CEP41: variants seen among roughly 807,000 people sequenced by gnomAD.
The protein encoded by CEP41 is centrosomal protein of 41 kDa.
In CEP41, 32 loss-of-function variants were observed where a neutral mutation model predicts 44.3. That is an observed-to-expected ratio of 0.72 (90% CI 0.54 to 0.97). The LOEUF (loss-of-function observed/expected upper bound fraction) is 0.97, where lower values mean the gene tolerates loss of function less well. Ranked by LOEUF, CEP41 falls within the 50% of genes least tolerant of loss-of-function variation. CEP41 has a pLI of 0.00. For synonymous variants in CEP41, 151 were observed against 168.5 expected (o/e 0.90, Z 0.80); for missense variants, 432 against 455.2 (o/e 0.95, Z 0.46).
rs1797682902 is a variant in CEP41 at position 130,426,955 on chromosome 7, T to C, written c.97+1000A>G. On this transcript the variant is annotated intron_variant, in intron 2 of 10. Transcript: ENST00000223208. ...GGATATTTGCAAGGATAAATATCTGTACGGCATGGAAATGTCTGAATGACG... is the reference window on the plus strand; with the variant it reads ...GGATATTTGCAAGGATAAATATCTGCACGGCATGGAAATGTCTGAATGACG... The C allele has an allele frequency of 2.7e-5, 5 of 187,584 alleles. No individual in the cohort carries two copies. In the South Asian group the frequency reaches 2.7e-4, roughly 10 times the overall value. 11.6% of individuals were successfully genotyped at this position (187,584 alleles called of 1,614,324 possible). A position where few individuals can be genotyped will look rare whatever the true frequency, so the allele number is the denominator to read the frequency against.
At position 130,440,973 on chromosome 7, in the gene CEP41, T is replaced by A; in HGVS notation, c.-7A>T. The A allele has an allele frequency of 6.2e-7, 1 of 1,612,736 alleles. No homozygotes were observed. The highest frequency in any genetic ancestry group is 8.5e-7 in the Non-Finnish European group (1 of 1,179,970). ...TGTGCCTCCGGAGGGACATATTTTC[T>A]CCAACCGACCACGTTCGGGGTTCTA... On this transcript the variant is annotated 5_prime_UTR_variant, in exon 1 of 11. Transcript: ENST00000223208.
Position 130,398,588 on chromosome 7 carries a change from A to G in CEP41, c.*303T>C. 1 of 544,452 alleles carries G rather than the reference A, an allele frequency of 1.8e-6. No homozygotes were observed. Among genetic ancestry groups the G allele is most frequent in the Non-Finnish European group, 3.5e-6 (1 of 286,414 alleles). 33.7% of individuals were successfully genotyped at this position (544,452 alleles called of 1,614,324 possible). ...ACCTTATTAAAAAAAAACAAAACAA[A>G]AAAACTAAAAACGTAGATACTTTTT... On this transcript the variant is annotated 3_prime_UTR_variant, in exon 11 of 11. Coordinates refer to ENST00000223208, the MANE Select transcript of CEP41 (RefSeq NM_018718.3).
chr7:130,411,035 T>G (rs1797166916), intron 5 of CEP41, 87 bp downstream of exon 5: 1 of 1,175,346 alleles, frequency 8.5e-7, no homozygotes, highest in Admixed American at 1.7e-5. Context: ...TCCCAGTCCC[T>G]GGGAACAGAC....
intron 1 of CEP41, 86 bp from the exon 2 acceptor site, chr7:130,428,104 GA>G (rs1200023211): frequency 7.6e-6 from 7 of 921,106 alleles, no homozygotes; most frequent in African/African-American, 4.9e-5. Context: ...TTTAAAAATG[GA>G]AAAAAAGTGC....
At chr7:130,422,773 T>C (rs1488156547) in intron 2 of CEP41, among the ~76,000 whole-genome samples, 6 of 152,172 alleles carry the variant, frequency 3.9e-5, no homozygotes, top group Non-Finnish European at 8.8e-5. Flanking sequence ...TTCCAAAAGC[T>C]TTACAAGACT....
chr7:130,426,692 G>A (rs1554423608), intron 2 of CEP41: 1 of 455,796 alleles, frequency 2.2e-6, no homozygotes. Flanking sequence ...GATGGGTAGA[G>A]ATGAAAGAGC....
chr7:130,437,347 G>A (rs1797996028), intron 1 of CEP41, among the ~76,000 whole-genome samples: 1 of 143,010 alleles, frequency 7.0e-6, no homozygotes, highest in South Asian at 2.3e-4. Flanking sequence ...AAATATCTTT[G>A]TAAAGTCACA....
rs1796891789 is a variant in CEP41, at chr7:130,402,760, C to T, written c.462G>A (p.Gly154=). The T allele has an allele frequency of 6.2e-7, 1 of 1,614,156 alleles. No individual in the cohort carries two copies. The highest frequency in any genetic ancestry group is 8.5e-7 in the Non-Finnish European group (1 of 1,180,002). ...SGVGELDLDK[G]PVKKAEPHTK... is the part of the protein sequence containing the mutation. ...TATGGGGCTCTGCTTTCTTCACTGGCCCTTTGTCTAGATCCAGTTCCCCAA... is the reference window on the plus strand; with the variant it reads ...TATGGGGCTCTGCTTTCTTCACTGGTCCTTTGTCTAGATCCAGTTCCCCAA... The change falls in exon 7 of 11, where the codon GGG becomes GGA. Residue 154 remains glycine, a synonymous_variant. Transcript: ENST00000223208.
At chr7:130,430,533 A>G (rs1295886765) in intron 1 of CEP41, among the ~76,000 whole-genome samples, 1 of 152,224 alleles carries the variant, frequency 6.6e-6, no homozygotes, top group Non-Finnish European at 1.5e-5. Context: ...TTCCTTCCCT[A>G]GAGAAAGACA....
In CEP41 at chr7:130,397,540, G is replaced by A. The variant is rs1159175942; in HGVS notation, c.*1351C>T. 3 of 378,044 alleles carry A rather than the reference G, an allele frequency of 7.9e-6. No homozygotes were observed. The highest frequency in any genetic ancestry group is 1.8e-5 in the South Asian group (1 of 55,272). 23.4% of individuals were successfully genotyped at this position (378,044 alleles called of 1,614,324 possible). On this transcript the variant is annotated 3_prime_UTR_variant, in exon 11 of 11. Transcript: ENST00000223208. ...TTTTTTTTTTTTTTTTTTTGGTGGC[G>A]AGAAAATAGTACTGTTAAGGCAAAT...
intron 2 of CEP41, chr7:130,419,497 C>G: frequency 2.0e-6 from 2 of 983,320 alleles, no homozygotes; most frequent in Non-Finnish European, 2.4e-6. Context: ...GGAAATGAAT[C>G]CATTTCATAA....
Position 130,394,759 on chromosome 7 carries a change from T to C in CEP41, c.*4132A>G, listed in dbSNP as rs1261953532. ...TCAATCTTGACAGGTTCAATTCATTTATTCATGAACACTTATTAAGGGCCA... is the reference window on the plus strand; with the variant it reads ...TCAATCTTGACAGGTTCAATTCATTCATTCATGAACACTTATTAAGGGCCA... On this transcript the variant is annotated 3_prime_UTR_variant, in exon 11 of 11. Coordinates refer to ENST00000223208, the MANE Select transcript of CEP41 (RefSeq NM_018718.3). 4.4e-6 allele frequency: 2 copies of C among 454,032 alleles called. No individual in the cohort carries two copies. Among genetic ancestry groups the C allele is most frequent in the African/African-American group, 4.0e-5 (2 of 50,016 alleles). 28.1% of individuals were successfully genotyped at this position (454,032 alleles called of 1,614,324 possible).
intron 1 of CEP41, among the ~76,000 whole-genome samples, chr7:130,440,145 G>A (rs1304488122): frequency 2.0e-5 from 3 of 150,916 alleles, no homozygotes; most frequent in African/African-American, 4.9e-5. Context: ...TCAGCCTACC[G>A]AGTAGCTGGG....
intron 2 of CEP41, chr7:130,421,039 C>T (rs1427359674): frequency 1.0e-6 from 1 of 981,938 alleles, no homozygotes; most frequent in African/African-American, 1.7e-5. Flanking sequence ...TTAGCTTCTA[C>T]TTTGTTTACT....
intron 1 of CEP41, 58 bp downstream of exon 1, chr7:130,440,876 T>G (rs1416410982): frequency 3.5e-6 from 5 of 1,422,696 alleles, no homozygotes; most frequent in Admixed American, 3.7e-5. Flanking sequence ...CCTGCCCACA[T>G]GAGCCTTTTC....
chr7:130,400,940 G>A, intron 8 of CEP41, 119 bp from the exon 9 acceptor site: 1 of 719,166 alleles, frequency 1.4e-6, no homozygotes, highest in Non-Finnish European at 2.5e-6. Flanking sequence ...CGATGGACAA[G>A]CCCATTCCTA....
chr7:130,424,243 C>T (rs1211346353), intron 2 of CEP41, among the ~76,000 whole-genome samples: 1 of 151,680 alleles, frequency 6.6e-6, no homozygotes, highest in African/African-American at 2.4e-5. Flanking sequence ...CCAAAAAATA[C>T]AAAAATATTA....
intron 2 of CEP41, among the ~76,000 whole-genome samples, chr7:130,425,182 A>G (rs782071225): frequency 7.2e-5 from 11 of 152,202 alleles, no homozygotes; most frequent in Non-Finnish European, 1.5e-4. Context: ...ATCCCAGCCA[A>G]GGCGGGTGGA....
chr7:130,437,449 A>T (rs1296425234), intron 1 of CEP41, among the ~76,000 whole-genome samples: 1 of 151,970 alleles, frequency 6.6e-6, no homozygotes, highest in African/African-American at 2.4e-5. Context: ...CAACAACACA[A>T]GACACTAGAC....
Sources: gnomAD v4.1 joint callset for allele counts (sites outside exome capture counted in the v4.1 genomes callset) on GRCh38, gnomAD v4.1.1 for gene constraint, MANE v1.5 for transcripts, NCBI Gene and HGNC (gene_info 2026-07-23, HGNC 2026-07-21) for gene names.